The following FANCC variants were observed in gnomAD, a reference collection of about 807,000 sequenced individuals.
FANCC encodes the protein FA complementation group C, also known as Fanconi anemia group C protein.
A neutral mutation model predicts 71.3 loss-of-function variants in FANCC; 55 were observed. The ratio of observed to expected loss-of-function variants is 0.77; its 90% confidence interval spans 0.62 to 0.97. The LOEUF is 0.97. Among genes scored for constraint, FANCC ranks in the 50% least tolerant of loss-of-function variants. The pLI is 0.00. For missense variants in FANCC, 678 were observed against 670.9 expected (o/e 1.01, Z -0.12); for synonymous variants, 275 against 244.9 (o/e 1.12, Z -1.15).
chr9:95,309,038 T>G (rs1309959029), intron 1 of FANCC, among the ~76,000 whole-genome samples: 1 of 152,188 alleles, frequency 6.6e-6, no homozygotes, highest in Non-Finnish European at 1.5e-5. Flanking sequence ...TATTGCACTT[T>G]TCTTGCTTAC....
At chr9:95,247,795 A>T (rs1276593088) in intron 2 of FANCC, among the ~76,000 whole-genome samples, 1 of 152,232 alleles carries the variant, frequency 6.6e-6, no homozygotes, top group Non-Finnish European at 1.5e-5. Flanking sequence ...CTCATACTTA[A>T]TAGTCAGTAA....
In FANCC at chr9:95,107,248, C is replaced by G; in HGVS notation, c.1351G>C (p.Gly451Arg). The G allele has an allele frequency of 6.2e-7, 1 of 1,613,956 alleles. No homozygotes were observed. The highest frequency in any genetic ancestry group is 1.1e-5 in the South Asian group (1 of 91,054). ...CTTCTGGACATTGCCAGGAGGTGGC[C>G]CAGCACGGCCTTCACCTGGACCTGG... ...QTMVQVKAVL[G>R]HLLAMSRSSS... Residue 451 changes from glycine (G) to arginine (R), a missense_variant, in exon 14 of 15, where the codon GGC becomes CGC. By Grantham distance (125) the Gly-to-Arg change is moderately radical. Transcript: ENST00000289081.
chr9:95,184,688 C>A (rs1826598362), intron 4 of FANCC, among the ~76,000 whole-genome samples: 1 of 152,108 alleles, frequency 6.6e-6, no homozygotes, highest in Non-Finnish European at 1.5e-5. Context: ...GAAGCTTTTC[C>A]AAAATTCACA....
At chr9:95,169,839 G>A (rs2135568116) in intron 6 of FANCC, among the ~76,000 whole-genome samples, 1 of 152,304 alleles carries the variant, frequency 6.6e-6, no homozygotes, top group African/African-American at 2.4e-5. Flanking sequence ...CATTCCTGAA[G>A]AACGCCTTTA....
chr9:95,163,836 C>A (rs544491277), intron 6 of FANCC, among the ~76,000 whole-genome samples: 4 of 152,106 alleles, frequency 2.6e-5, no homozygotes, highest in East Asian at 1.9e-4. Context: ...GCAACAAGAG[C>A]GAAACTCCAT....
intron 13 of FANCC, chr9:95,110,661 C>G (rs1048865873): frequency 2.9e-6 from 3 of 1,048,868 alleles, no homozygotes; most frequent in Non-Finnish European, 3.5e-6. Context: ...TGTTTTCAAA[C>G]AACAGAAAAT....
Position 95,099,239 on chromosome 9 carries a change from A to G in FANCC, c.*2468T>C. 1 of 218,326 alleles carries G rather than the reference A, an allele frequency of 4.6e-6. No individual in the cohort carries two copies. Among genetic ancestry groups the G allele is most frequent in the Non-Finnish European group, 9.2e-6 (1 of 108,860 alleles). The allele number at this position is 218,326 out of a possible 1,614,324, so 13.5% of individuals were successfully genotyped here. The stretch of plus-strand genomic sequence containing the variant: ...GGTAGTGGTTTTACCAGCATGCTTT[A>G]TCAAAAACTAAACTATCAGGGAGAG... On this transcript the variant is annotated 3_prime_UTR_variant, in exon 15 of 15. Coordinates refer to ENST00000289081, the MANE Select transcript of FANCC (RefSeq NM_000136.3).
rs1827819327 is a variant in FANCC at position 95,201,743 on chromosome 9, A to G, written c.346-29596T>C. Among the ~76,000 whole-genome samples the G allele has an allele frequency of 2.6e-5, 4 of 152,380 alleles. No homozygotes were observed. The South Asian group carries it at 8.3e-4, about 32-fold the overall frequency. ...TGTTGGTTGAGTACCTAGTGATTTA[A>G]ATTTGTTCCTTTTTGCGTAAGAAAC... On this transcript the variant is annotated intron_variant, in intron 4 of 14. Coordinates refer to ENST00000289081, the MANE Select transcript of FANCC (RefSeq NM_000136.3).
In FANCC at chr9:95,201,125, A is replaced by C. The variant is rs201420370; in HGVS notation, c.346-28978T>G. 2.6e-5 allele frequency among the ~76,000 whole-genome samples: 4 copies of C among 152,362 alleles called. No homozygotes were observed. The East Asian group carries it at 5.8e-4, about 22-fold the overall frequency. ...GAGAACATTTTTGAAAGTTTTCAACAATGTAGTATAAAGCATTTTAGGATA... is the reference window on the plus strand; with the variant it reads ...GAGAACATTTTTGAAAGTTTTCAACCATGTAGTATAAAGCATTTTAGGATA... On this transcript the variant is annotated intron_variant, in intron 4 of 14. Transcript: ENST00000289081.
At chr9:95,184,883 A>G (rs1390272740) in intron 4 of FANCC, among the ~76,000 whole-genome samples, 1 of 152,240 alleles carries the variant, frequency 6.6e-6, no homozygotes, top group African/African-American at 2.4e-5. Context: ...TGAACGTCCT[A>G]AAGGTACCAA....
intron 4 of FANCC, among the ~76,000 whole-genome samples, chr9:95,176,474 C>T (rs956597820): frequency 2.0e-5 from 3 of 152,196 alleles, no homozygotes; most frequent in Non-Finnish European, 4.4e-5. Flanking sequence ...TTCAGTATGT[C>T]CAATCCCCTC....
At chr9:95,153,238 C>T (rs1830279242) in intron 6 of FANCC, among the ~76,000 whole-genome samples, 1 of 152,056 alleles carries the variant, frequency 6.6e-6, no homozygotes, top group South Asian at 2.1e-4. Context: ...TTTCTTTATC[C>T]ACTGATTGGT....
At chr9:95,191,360 G>C (rs1813554891) in intron 4 of FANCC, among the ~76,000 whole-genome samples, 1 of 137,418 alleles carries the variant, frequency 7.3e-6, no homozygotes, top group Non-Finnish European at 1.5e-5. Context: ...TTTGAGACAG[G>C]GTCTCACTGT....
chr9:95,143,846 G>A (rs149580788), intron 7 of FANCC, among the ~76,000 whole-genome samples: 233 of 152,308 alleles, frequency 1.5e-3, no homozygotes, highest in Non-Finnish European at 2.7e-3. Context: ...CAGCCCCAGG[G>A]ACAGACATGA....
intron 9 of FANCC, among the ~76,000 whole-genome samples, chr9:95,125,517 A>G (rs1431913215): frequency 6.6e-6 from 1 of 152,228 alleles, no homozygotes; most frequent in East Asian, 1.9e-4. Flanking sequence ...TGCTTTCACA[A>G]GTGGAGACGA....
chr9:95,218,578 T>C (rs1829026324), intron 4 of FANCC, among the ~76,000 whole-genome samples: 2 of 152,174 alleles, frequency 1.3e-5, no homozygotes, highest in South Asian at 2.1e-4. Flanking sequence ...CATTTTAGCA[T>C]ATAGCAGCAA....
chr9:95,271,927 CTT>C (rs869093626), intron 1 of FANCC, among the ~76,000 whole-genome samples: 21 of 50,506 alleles, frequency 4.2e-4, no homozygotes, highest in South Asian at 1.7e-3. Context: ...CAAGCCTCTT[CTT>C]TTTTTTTTTT....
intron 12 of FANCC, 38 bp downstream of exon 12, chr9:95,114,591 G>T: frequency 6.4e-7 from 1 of 1,555,812 alleles, no homozygotes; most frequent in Non-Finnish European, 8.9e-7. Context: ...GGGAAACCAT[G>T]TGTGAAGTAG....
At chr9:95,180,686 G>C (rs1826295881) in intron 4 of FANCC, among the ~76,000 whole-genome samples, 1 of 151,302 alleles carries the variant, frequency 6.6e-6, no homozygotes, top group Non-Finnish European at 1.5e-5. Flanking sequence ...ATAACAAAAA[G>C]TATAGTATGT....
Sources: allele counts gnomAD v4.1 joint callset (sites outside exome capture counted in the v4.1 genomes callset), GRCh38; gene constraint gnomAD v4.1.1; transcripts MANE v1.5; gene names NCBI Gene and HGNC (gene_info 2026-07-23, HGNC 2026-07-21).